Variants in ACACA observed in about 807,000 individuals in gnomAD.
ACACA encodes the protein acetyl-CoA carboxylase alpha, also known as acetyl-CoA carboxylase 1.
Under a neutral mutation model 296.1 loss-of-function variants are expected in ACACA, and 103 were observed. The observed-to-expected ratio is 0.35, with a 90% confidence interval of 0.30 to 0.41. The LOEUF is 0.41. Ranked by LOEUF, ACACA falls within the 10% of genes least tolerant of loss-of-function variation. The probability of loss-of-function intolerance (pLI) is 1.00; values close to 1 mark genes in which losing one functional copy is unlikely to be tolerated. For missense variants in ACACA, 1,554 were observed against 2,989.7 expected, an observed-to-expected ratio of 0.52 and a Z score of 11.20; for synonymous variants, 953 against 1,038.6, an observed-to-expected ratio of 0.92 and a Z score of 1.58.
Position 37,200,456 on chromosome 17 carries a change from G to A in ACACA, c.4084C>T (p.Arg1362Trp), listed in dbSNP as rs2078197026. Residue 1362 changes from arginine to tryptophan, a missense_variant, in exon 34 of 56, where the codon CGG becomes TGG. Arg to Trp is a moderately radical substitution (Grantham distance 101). Around this residue, in one of 16 missense-constraint regions of ACACA, gnomAD observed 179 missense variants for 283.2 expected, o/e 0.63. Transcript: ENST00000616317. ...NKATLVDHGI[R>W]RLTFLVAQKD... Reference sequence around the variant, plus strand: ...TGTGCAACCAGGAAAGTAAGGCGCCGGATCCCATGGTCAACCAGGGTAGCT... The same window carrying A: ...TGTGCAACCAGGAAAGTAAGGCGCCAGATCCCATGGTCAACCAGGGTAGCT... The A allele has an allele frequency of 1.9e-6, 3 of 1,613,162 alleles. No individual in the cohort carries two copies. Among genetic ancestry groups the A allele is most frequent in the African/African-American group, 1.3e-5 (1 of 74,878 alleles).
At chr17:37,358,232 C>G (rs989909886) in intron 1 of ACACA, among the ~76,000 whole-genome samples, 3 of 152,192 alleles carry the variant, frequency 2.0e-5, no homozygotes, top group African/African-American at 7.2e-5. Context: ...CCATTAGTGT[C>G]CACTCTCCCA....
At chr17:37,376,441 T>C (rs2050005574) in intron 1 of ACACA, among the ~76,000 whole-genome samples, 1 of 152,196 alleles carries the variant, frequency 6.6e-6, no homozygotes, top group Non-Finnish European at 1.5e-5. Flanking sequence ...TCTTTAGAGT[T>C]TCAGTATTGT....
intron 24 of ACACA, among the ~76,000 whole-genome samples, chr17:37,240,199 C>T (rs1486731294): frequency 2.0e-5 from 3 of 152,196 alleles, no homozygotes; most frequent in East Asian, 1.9e-4. Flanking sequence ...AAGATATCAA[C>T]AGGAATGGTA....
intron 29 of ACACA, among the ~76,000 whole-genome samples, chr17:37,212,180 G>A (rs184415794): frequency 6.6e-6 from 1 of 152,282 alleles, no homozygotes; most frequent in East Asian, 1.9e-4. Context: ...TTAGAAACCA[G>A]TATAATCTCT....
chr17:37,299,567 TCTC>T, intron 3 of ACACA: 1 of 1,393,956 alleles, frequency 7.2e-7, no homozygotes, highest in Non-Finnish European at 9.3e-7. Context: ...TTGCATCTTC[TCTC>T]CTCCACACAC....
rs547198381 is a variant in ACACA at position 37,087,564 on chromosome 17, CTTAT to C, written c.7029-129_7029-126del. ...TGCAGACATTTTAGTCACGCCTCAC[CTTAT>C]TTGTTTCCCTATATTACAAATATCC... On this transcript the variant is annotated intron_variant, in intron 55 of 55. Coordinates refer to ENST00000616317, the MANE Select transcript of ACACA (RefSeq NM_198834.3). 2.4e-4 allele frequency: 276 copies of C among 1,174,390 alleles called. 1 individual carries two copies. The African/African-American group carries it at 3.3e-3, about 14-fold the overall frequency. 72.7% of individuals were successfully genotyped at this position (1,174,390 alleles called of 1,614,324 possible).
In ACACA at chr17:37,282,439, G is replaced by A. The variant is rs79422524; in HGVS notation, c.610+828C>T. ...CAGGTATTTCTTTATAGCAATGCAA[G>A]AATGATCTAATATATAACATTTGCT... On this transcript the variant is annotated intron_variant, in intron 5 of 55. Coordinates refer to ENST00000616317, the MANE Select transcript of ACACA (RefSeq NM_198834.3). 2.7e-3 allele frequency among the ~76,000 whole-genome samples: 408 copies of A among 152,230 alleles called. 11 individuals are homozygous for A. The East Asian group carries it at 0.063, about 24-fold the overall frequency.
chr17:37,125,881 G>A (rs1368412939), intron 47 of ACACA, 87 bp from the exon 48 acceptor site: 1 of 1,218,290 alleles, frequency 8.2e-7, no homozygotes, highest in Non-Finnish European at 1.2e-6. Flanking sequence ...AGGTGGTTTG[G>A]GGGATTATTT....
intron 45 of ACACA, among the ~76,000 whole-genome samples, chr17:37,142,013 T>G (rs138661391): frequency 7.2e-6 from 1 of 139,384 alleles, no homozygotes; most frequent in South Asian, 2.3e-4. Context: ...TTTTTTTTTG[T>G]TTTTTTTTTT....
At chr17:37,235,130 C>T in intron 24 of ACACA, 31 bp from the exon 25 acceptor site, 3 of 1,611,370 alleles carry the variant, frequency 1.9e-6, no homozygotes, top group Non-Finnish European at 2.5e-6. Context: ...TGGTTCTCAC[C>T]CATGTATAAA....
At chr17:37,153,510 G>C (rs1174493384) in intron 43 of ACACA, among the ~76,000 whole-genome samples, 1 of 152,088 alleles carries the variant, frequency 6.6e-6, no homozygotes, top group Non-Finnish European at 1.5e-5. Flanking sequence ...CTAGATTTTT[G>C]AAGTTTCTGT....
chr17:37,320,705 G>T (rs994147550), intron 3 of ACACA, among the ~76,000 whole-genome samples: 11 of 152,008 alleles, frequency 7.2e-5, no homozygotes, highest in African/African-American at 2.4e-4. Context: ...CCAGCACTTT[G>T]GGAAGCCGAG....
At chr17:37,136,126 CAA>C (rs2075322281) in intron 45 of ACACA, among the ~76,000 whole-genome samples, 1 of 151,670 alleles carries the variant, frequency 6.6e-6, no homozygotes, top group South Asian at 2.1e-4. Context: ...ATAAGGTATA[CAA>C]GTCTGTGAAT....
chr17:37,380,881 C>T (rs1466984765), intron 1 of ACACA, among the ~76,000 whole-genome samples: 3 of 151,236 alleles, frequency 2.0e-5, no homozygotes, highest in Non-Finnish European at 4.4e-5. Context: ...CAGGCGTGAG[C>T]CACCGTGCCT....
At chr17:37,369,190 T>C (rs2049712697) in intron 1 of ACACA, among the ~76,000 whole-genome samples, 1 of 152,176 alleles carries the variant, frequency 6.6e-6, no homozygotes, top group African/African-American at 2.4e-5. Context: ...GTATGTTTCC[T>C]GCTACAAAAA....
intron 1 of ACACA, among the ~76,000 whole-genome samples, chr17:37,371,326 A>T (rs2049798991): frequency 6.6e-6 from 1 of 151,834 alleles, no homozygotes; most frequent in Admixed American, 6.6e-5. Flanking sequence ...TGATCCACCT[A>T]ACTCAGCCTC....
chr17:37,378,013 T>C, intron 1 of ACACA: 2 of 1,537,230 alleles, frequency 1.3e-6, no homozygotes, highest in South Asian at 1.1e-5. Flanking sequence ...TTCCAAAAAA[T>C]TTTTACCTTT....
intron 28 of ACACA, among the ~76,000 whole-genome samples, chr17:37,222,707 A>C (rs571769393): frequency 6.6e-6 from 1 of 152,346 alleles, no homozygotes; most frequent in African/African-American, 2.4e-5. Flanking sequence ...ACTCTACCAC[A>C]GAGTACAAAT....
At chr17:37,127,869 A>G (rs532629123) in intron 47 of ACACA, among the ~76,000 whole-genome samples, 125 of 150,642 alleles carry the variant, frequency 8.3e-4, no homozygotes, top group East Asian at 3.5e-3. Flanking sequence ...AAAAGAAAAA[A>G]AAAAAGACTG....
Sources: allele counts gnomAD v4.1 joint callset (sites outside exome capture counted in the v4.1 genomes callset), GRCh38; gene constraint gnomAD v4.1.1; regional missense constraint gnomAD v4.1.1; transcripts MANE v1.5; gene names NCBI Gene and HGNC (gene_info 2026-07-23, HGNC 2026-07-21).